The following RSPO4 variants were observed in gnomAD, a reference collection of about 807,000 sequenced individuals.
The protein encoded by RSPO4 is R-spondin-4.
RSPO4 carries 23 observed loss-of-function variants against 24.8 expected under a neutral mutation model. The ratio of observed to expected loss-of-function variants is 0.93; its 90% CI spans 0.67 to 1.31. The LOEUF (loss-of-function observed/expected upper bound fraction) is 1.31, where lower values mean the gene tolerates loss of function less well. RSPO4 is among the 40% of genes most tolerant of loss of function. RSPO4 has a pLI of 0.00. For missense variants in RSPO4, 333 were observed against 316.5 expected (o/e 1.05, Z -0.39); for synonymous variants, 141 against 127.4 (o/e 1.11, Z -0.72).
chr20:992,008 C>T (rs985647050), intron 1 of RSPO4, among the ~76,000 whole-genome samples: 4 of 149,444 alleles, frequency 2.7e-5, no homozygotes, highest in African/African-American at 9.8e-5. Flanking sequence ...AAGTGAATGA[C>T]GGGGGTGGTG....
At chr20:969,110 G>GT (rs549279204) in intron 1 of RSPO4, among the ~76,000 whole-genome samples, 10 of 152,314 alleles carry the variant, frequency 6.6e-5, no homozygotes, top group Non-Finnish European at 1.5e-4. Flanking sequence ...GAGTCCAGGA[G>GT]TTTGAGACCA....
chr20:998,002 C>T (rs1346589456), intron 1 of RSPO4, among the ~76,000 whole-genome samples: 1 of 152,194 alleles, frequency 6.6e-6, no homozygotes. Context: ...CCCCTTCCCT[C>T]TTGGACTGCA....
chr20:997,204 T>C (rs1985321495), intron 1 of RSPO4, among the ~76,000 whole-genome samples: 1 of 152,070 alleles, frequency 6.6e-6, no homozygotes, highest in Admixed American at 6.5e-5. Flanking sequence ...CCCTCCTTCC[T>C]CAGTGGCCTC....
At chr20:999,041 A>AGTG (rs1985384500) in intron 1 of RSPO4, among the ~76,000 whole-genome samples, 1 of 144,552 alleles carries the variant, frequency 6.9e-6, no homozygotes, top group Non-Finnish European at 1.5e-5. Flanking sequence ...GCTGGGGTGC[A>AGTG]GTGGCACAAT....
intron 1 of RSPO4, among the ~76,000 whole-genome samples, chr20:993,806 T>C (rs571942709): frequency 2.0e-5 from 3 of 152,324 alleles, no homozygotes; most frequent in South Asian, 4.1e-4. Flanking sequence ...GCCTCTCTTT[T>C]AACTGCTTCC....
rs369860447 is a variant in RSPO4, at chr20:960,381, C to A, written c.681G>T (p.Pro227=). Residue 227 remains proline, a synonymous_variant, in exon 5 of 5, where the codon CCG becomes CCT. Transcript: ENST00000217260. The part of the protein sequence containing the change: ...RKLDRRLDVR[P]RQPGLQP ...GTCAGGGCTGCAGGCCGGGCTGGCG[C>A]GGCCTCACGTCCAGCCTGCGGTCCA... The A allele has an allele frequency of 6.5e-7, 1 of 1,537,668 alleles. No homozygotes were observed.
At chr20:992,810 T>TGTACC (rs1279117872) in intron 1 of RSPO4, among the ~76,000 whole-genome samples, 1 of 152,210 alleles carries the variant, frequency 6.6e-6, no homozygotes, top group East Asian at 1.9e-4. Context: ...GCACTCCCTA[T>TGTACC]GTACCAGCAA....
At chr20:995,112 A>C (rs181575484) in intron 1 of RSPO4, among the ~76,000 whole-genome samples, 124 of 152,260 alleles carry the variant, frequency 8.1e-4, no homozygotes, top group Non-Finnish European at 2.6e-4. Context: ...TTTTACAAGG[A>C]TTGGTCTCAA....
rs192647221 is a variant in RSPO4, at chr20:989,375, G to A, written c.79+12711C>T. Among the ~76,000 whole-genome samples, 13 of 152,338 alleles carry A rather than the reference G, an allele frequency of 8.5e-5. No individual in the cohort carries two copies. In the East Asian group the frequency reaches 2.3e-3, roughly 27 times the overall value. ...GAATGATGATATTAAAGAATTGCTT[G>A]CAGGGTAAAGTGAGGTAATAACCTG... is the stretch of plus-strand genomic sequence containing the variant. On this transcript the variant is annotated intron_variant, in intron 1 of 4. Coordinates refer to ENST00000217260, the MANE Select transcript of RSPO4 (RefSeq NM_001029871.4).
intron 1 of RSPO4, among the ~76,000 whole-genome samples, chr20:997,652 C>T (rs962665192): frequency 2.6e-5 from 4 of 152,178 alleles, no homozygotes; most frequent in Non-Finnish European, 4.4e-5. Flanking sequence ...CCAGCGATGG[C>T]GCCTGCTTGC....
chr20:998,700 T>C (rs1347081451), intron 1 of RSPO4, among the ~76,000 whole-genome samples: 7 of 152,076 alleles, frequency 4.6e-5, no homozygotes, highest in African/African-American at 1.2e-4. Flanking sequence ...CATCCCTCTA[T>C]GTTGGCAGCT....
chr20:969,765 G>C (rs998684495), intron 1 of RSPO4, among the ~76,000 whole-genome samples: 5 of 152,158 alleles, frequency 3.3e-5, no homozygotes, highest in Admixed American at 2.0e-4. Flanking sequence ...AGGTGGGGGA[G>C]AGTCAGAAAA....
chr20:968,488 G>A (rs889306195), intron 1 of RSPO4, among the ~76,000 whole-genome samples: 6 of 152,220 alleles, frequency 3.9e-5, no homozygotes, highest in East Asian at 1.9e-4. Flanking sequence ...CCCGTGAGGC[G>A]GTGGAAAAAT....
intron 3 of RSPO4, among the ~76,000 whole-genome samples, chr20:964,935 A>C (rs967174220): frequency 6.6e-6 from 1 of 152,000 alleles, no homozygotes; most frequent in Admixed American, 6.6e-5. Flanking sequence ...GGACACTGAG[A>C]CCTAGAGCAG....
rs1983910416 is a variant in RSPO4, at chr20:959,325, T to A, written c.*1032A>T. 1 of 152,320 alleles carries A rather than the reference T, an allele frequency of 6.6e-6. No individual in the cohort carries two copies. Among genetic ancestry groups the A allele is most frequent in the African/African-American group, 2.4e-5 (1 of 41,394 alleles). The allele number at this position is 152,320 out of a possible 1,614,324, so 9.4% of individuals were successfully genotyped here. A position where few individuals can be genotyped will look rare whatever the true frequency, so the allele number is the denominator to read the frequency against. On this transcript the variant is annotated 3_prime_UTR_variant, in exon 5 of 5. Coordinates refer to ENST00000217260, the MANE Select transcript of RSPO4 (RefSeq NM_001029871.4). ...CAAATTCTCCTCTCCACCGTGAATGTGCTGAGCAGAGCCATCAGGCAGAAG... is the reference window on the plus strand; with the variant it reads ...CAAATTCTCCTCTCCACCGTGAATGAGCTGAGCAGAGCCATCAGGCAGAAG...
Position 981,475 on chromosome 20 carries a change from G to T in RSPO4, c.80-13337C>A, listed in dbSNP as rs1455863757. 6.6e-6 allele frequency among the ~76,000 whole-genome samples: 1 copy of T among 152,210 alleles called. No individual in the cohort carries two copies. Among genetic ancestry groups the T allele is most frequent in the East Asian group, 1.9e-4 (1 of 5,194 alleles). ...AGGATGCGGAGGTTGCATGAGCCAA[G>T]ATTGCACCACTGCACTCCAGCCTGG... On this transcript the variant is annotated intron_variant, in intron 1 of 4. Coordinates refer to ENST00000217260, the MANE Select transcript of RSPO4 (RefSeq NM_001029871.4). The surrounding 1 kb of genome is among the most constrained non-coding windows in gnomAD (Gnocchi z 4.6).
At chr20:992,538 C>T (rs1985144393) in intron 1 of RSPO4, among the ~76,000 whole-genome samples, 1 of 152,152 alleles carries the variant, frequency 6.6e-6, no homozygotes, top group African/African-American at 2.4e-5. Flanking sequence ...AACCTCTCCC[C>T]CCATGACGCA....
chr20:975,250 C>T (rs56025909), intron 1 of RSPO4, among the ~76,000 whole-genome samples: 11,686 of 152,208 alleles, frequency 0.077, 896 homozygotes, highest in African/African-American at 0.2. Flanking sequence ...AGGGAGCACA[C>T]TTTGAAACCC....
Position 968,155 on chromosome 20 carries a change from G to A in RSPO4, c.80-17C>T, listed in dbSNP as rs1200353765. 6.2e-7 allele frequency: 1 copy of A among 1,611,634 alleles called. No homozygotes were observed. The highest frequency in any genetic ancestry group is 1.7e-5 in the Admixed American group (1 of 60,002). ...CAGTGCCCACTGCCCACAAGACCAG[G>A]GCAGAAGGAGGGGGAAAGGGAGAGA... On this transcript the variant is annotated splice_polypyrimidine_tract_variant and intron_variant, in intron 1 of 4. Coordinates refer to ENST00000217260, the MANE Select transcript of RSPO4 (RefSeq NM_001029871.4).
Sources: allele counts gnomAD v4.1 joint callset (sites outside exome capture counted in the v4.1 genomes callset), GRCh38; gene constraint gnomAD v4.1.1; non-coding constraint Gnocchi (gnomAD v3.1); transcripts MANE v1.5; gene names NCBI Gene and HGNC (gene_info 2026-07-23, HGNC 2026-07-21).